Variants in RANBP2 observed in about 807,000 individuals in gnomAD.
RANBP2 encodes RAN binding protein 2, also known as E3 SUMO-protein ligase RanBP2.
Under a neutral mutation model 303.6 loss-of-function variants are expected in RANBP2, and 57 were observed. That is an observed-to-expected ratio of 0.19 (90% confidence interval 0.15 to 0.23). RANBP2 has a LOEUF of 0.23. Ranked by LOEUF, RANBP2 falls within the 10% of genes least tolerant of loss-of-function variation. The pLI, the probability that RANBP2 is intolerant of heterozygous loss-of-function variation, is 1.00. For missense variants in RANBP2, 3,138 were observed against 3,780.8 expected, an observed-to-expected ratio of 0.83 and a Z score of 4.46; for synonymous variants, 1,167 against 1,301.5, an observed-to-expected ratio of 0.90 and a Z score of 2.23.
the RANBP2 span, among the ~76,000 whole-genome samples, chr2:109,414,244 A>G: frequency 5.1e-3 from 781 of 152,274 alleles, 8 homozygotes; most frequent in African/African-American, 0.017. Flanking sequence ...TTGAGGGCCT[A>G]TTCTGTGTAC....
intron 1 of RANBP2, among the ~76,000 whole-genome samples, chr2:108,725,376 C>T (rs1694615745): frequency 6.9e-6 from 1 of 145,342 alleles, no homozygotes; most frequent in South Asian, 2.1e-4. Context: ...AGATTGTCTA[C>T]TTTAATAACA....
chr2:109,189,508 A>C, the RANBP2 span, among the ~76,000 whole-genome samples: 1 of 151,722 alleles, frequency 6.6e-6, no homozygotes, highest in Non-Finnish European at 1.5e-5. Context: ...AGCTGGGATT[A>C]CAGGCACACA....
chr2:109,495,689 G>A, the RANBP2 span, among the ~76,000 whole-genome samples: 4 of 151,600 alleles, frequency 2.6e-5, no homozygotes, highest in Admixed American at 1.3e-4. Context: ...ACGGGGTTTC[G>A]CCATGTTAGC....
the RANBP2 span, among the ~76,000 whole-genome samples, chr2:109,297,599 C>A: frequency 2.0e-5 from 3 of 150,864 alleles, no homozygotes; most frequent in African/African-American, 7.3e-5. Flanking sequence ...AGTCAGTGCC[C>A]CCAACCTGGG....
chr2:109,150,187 C>T, the RANBP2 span, among the ~76,000 whole-genome samples: 11 of 152,140 alleles, frequency 7.2e-5, no homozygotes, highest in African/African-American at 2.7e-4. Flanking sequence ...AGATCTGCAC[C>T]TGGAAGATGA....
the RANBP2 span, among the ~76,000 whole-genome samples, chr2:109,374,362 T>TG: frequency 7.4e-3 from 1,127 of 152,342 alleles, 15 homozygotes; most frequent in African/African-American, 0.026. Context: ...CAGCAGCCAC[T>TG]GAAGACCAGC....
the RANBP2 span, among the ~76,000 whole-genome samples, chr2:109,097,267 G>A: frequency 1.3e-5 from 2 of 152,064 alleles, no homozygotes; most frequent in African/African-American, 4.8e-5. Context: ...TCGCGCCACT[G>A]CACTCCAGCC....
At chr2:108,979,272 C>G in the RANBP2 span, among the ~76,000 whole-genome samples, 33 of 152,178 alleles carry the variant, frequency 2.2e-4, no homozygotes, top group Admixed American at 5.2e-4. Flanking sequence ...AAGGTGTCAT[C>G]TGGTTGGAGA....
At chr2:109,419,928 G>A in the RANBP2 span, among the ~76,000 whole-genome samples, 1 of 152,214 alleles carries the variant, frequency 6.6e-6, no homozygotes, top group African/African-American at 2.4e-5. Flanking sequence ...GCCATAGTGT[G>A]GAGCAAGCTC....
chr2:108,854,036 TA>T, the RANBP2 span, among the ~76,000 whole-genome samples: 5 of 108,526 alleles, frequency 4.6e-5, no homozygotes, highest in South Asian at 2.3e-4. Flanking sequence ...ATATTATATA[TA>T]ATATATAATA....
At chr2:108,722,977 G>A (rs1410125865) in intron 1 of RANBP2, among the ~76,000 whole-genome samples, 1 of 151,926 alleles carries the variant, frequency 6.6e-6, no homozygotes, top group Non-Finnish European at 1.5e-5. Flanking sequence ...TCTATGTTCT[G>A]TCAAGTTGAT....
chr2:109,118,412 G>A, the RANBP2 span, among the ~76,000 whole-genome samples: 1 of 151,826 alleles, frequency 6.6e-6, no homozygotes, highest in African/African-American at 2.4e-5. Flanking sequence ...AGCTGCGGGG[G>A]TCTGCCTGCA....
the RANBP2 span, chr2:108,846,686 G>A: frequency 6.1e-6 from 9 of 1,478,094 alleles, no homozygotes; most frequent in Non-Finnish European, 7.4e-6. Context: ...CAAAAAAAAA[G>A]ATATATTCTG....
In RANBP2 at chr2:108,764,846, T is replaced by C. The variant is rs746357285; in HGVS notation, c.4307T>C (p.Ile1436Thr). The change falls in exon 20 of 29, where the codon ATT becomes ACT. Residue 1436 changes from isoleucine (I) to threonine (T), a missense_variant. Physicochemically the swap from Ile to Thr is moderately conservative, Grantham distance 89. Coordinates refer to ENST00000283195, the MANE Select transcript of RANBP2 (RefSeq NM_006267.5). ...AATGAACCTACTGTATCTAGGTGCA[T>C]TGCGTGTCAGAATACAAAATCTGCT... Reference protein sequence around the residue: ...VRNEPTVSRCIACQNTKSANK... With the variant: ...VRNEPTVSRCTACQNTKSANK... The C allele has an allele frequency of 1.1e-5, 17 of 1,614,058 alleles. No homozygotes were observed. Among genetic ancestry groups the C allele is most frequent in the Non-Finnish European group, 1.1e-5 (13 of 1,179,950 alleles).
At chr2:109,155,376 C>T in the RANBP2 span, among the ~76,000 whole-genome samples, 2 of 152,316 alleles carry the variant, frequency 1.3e-5, no homozygotes, top group Admixed American at 1.3e-4. Context: ...TCTTGGCTCA[C>T]TGCAAGCTCC....
chr2:109,507,676 T>C, the RANBP2 span, among the ~76,000 whole-genome samples: 4 of 152,110 alleles, frequency 2.6e-5, no homozygotes, highest in Non-Finnish European at 5.9e-5. Flanking sequence ...GTGTTTAACA[T>C]GGTAAGGGTT....
the RANBP2 span, among the ~76,000 whole-genome samples, chr2:108,825,366 T>C: frequency 6.6e-6 from 1 of 152,140 alleles, no homozygotes; most frequent in Non-Finnish European, 1.5e-5. Flanking sequence ...TGTTTTTTTT[T>C]CTTTATTCAC....
At chr2:108,974,391 C>T in the RANBP2 span, among the ~76,000 whole-genome samples, 1 of 143,148 alleles carries the variant, frequency 7.0e-6, no homozygotes, top group Non-Finnish European at 1.5e-5. Flanking sequence ...TTGTCTTAGA[C>T]ACGATGGTAC....
the RANBP2 span, among the ~76,000 whole-genome samples, chr2:109,057,567 CACTT>C: frequency 3.3e-5 from 5 of 152,192 alleles, no homozygotes; most frequent in Non-Finnish European, 4.4e-5. Context: ...TGTGGAGAGT[CACTT>C]ACAGTAGTGG....
Sources: allele counts gnomAD v4.1 joint callset (sites outside exome capture counted in the v4.1 genomes callset), GRCh38; gene constraint gnomAD v4.1.1; transcripts MANE v1.5; gene names NCBI Gene and HGNC (gene_info 2026-07-23, HGNC 2026-07-21).